The following NELL1 variants were observed in gnomAD, a reference collection of about 807,000 sequenced individuals.
The protein encoded by NELL1 is neural EGFL like 1.
NELL1 carries 76 observed loss-of-function variants against 107.4 expected under a neutral mutation model. The observed-to-expected ratio is 0.71, with a 90% CI of 0.59 to 0.86. NELL1 has a LOEUF of 0.86. Among genes scored for constraint, NELL1 ranks in the 40% least tolerant of loss-of-function variants. The probability of loss-of-function intolerance (pLI) is 0.00; values close to 1 mark genes in which losing one functional copy is unlikely to be tolerated. For missense variants in NELL1, 1,024 were observed against 1,005.5 expected, an observed-to-expected ratio of 1.02 and a Z score of -0.25; for synonymous variants, 353 against 341.2, an observed-to-expected ratio of 1.03 and a Z score of -0.38.
chr11:20,726,585 A>G (rs187924308), intron 2 of NELL1, among the ~76,000 whole-genome samples: 6 of 152,132 alleles, frequency 3.9e-5, no homozygotes, highest in Admixed American at 1.3e-4. Flanking sequence ...TACAATCACC[A>G]ATATTTTTTT....
chr11:20,942,707 T>C (rs1174110847), intron 10 of NELL1, among the ~76,000 whole-genome samples: 1 of 152,206 alleles, frequency 6.6e-6, no homozygotes, highest in Non-Finnish European at 1.5e-5. Flanking sequence ...TTGTTTTACT[T>C]CTAGGAAGGG....
At chr11:21,040,303 C>A (rs1853198644) in intron 12 of NELL1, among the ~76,000 whole-genome samples, 2 of 152,116 alleles carry the variant, frequency 1.3e-5, no homozygotes, top group African/African-American at 4.8e-5. Context: ...TATTCTACTT[C>A]TTTGAACATT....
At chr11:21,185,514 T>G (rs1433952644) in intron 13 of NELL1, among the ~76,000 whole-genome samples, 2 of 151,604 alleles carry the variant, frequency 1.3e-5, no homozygotes, top group Non-Finnish European at 2.9e-5. Flanking sequence ...AGGCTGGTCT[T>G]ACACTTCTGA....
chr11:20,970,336 T>A (rs1040822654), intron 12 of NELL1, among the ~76,000 whole-genome samples: 1 of 152,184 alleles, frequency 6.6e-6, no homozygotes, highest in Non-Finnish European at 1.5e-5. Flanking sequence ...TCTTGTCTCA[T>A]TCTTTAAGTG....
chr11:20,725,511 T>C (rs1278254851), intron 2 of NELL1, among the ~76,000 whole-genome samples: 3 of 152,200 alleles, frequency 2.0e-5, no homozygotes, highest in Non-Finnish European at 2.9e-5. Context: ...TGTAAGCTAA[T>C]GAGAGGGTGC....
rs374368450 is a variant in NELL1 at position 20,682,350 on chromosome 11, C to T, written c.184+4290C>T. On this transcript the variant is annotated intron_variant, in intron 2 of 19. Coordinates refer to ENST00000357134, the MANE Select transcript of NELL1 (RefSeq NM_006157.5). The stretch of plus-strand genomic sequence containing the variant: ...CAACATATAAAAAATATTATTTCAA[C>T]GTATGGTCAACCCAAAAATATATTA... 1.4e-3 allele frequency among the ~76,000 whole-genome samples: 204 copies of T among 149,622 alleles called. 1 individual carries two copies. Among genetic ancestry groups the T allele is most frequent in the Middle Eastern group, 6.8e-3 (2 of 294 alleles).
chr11:21,011,790 C>A (rs978685522), intron 12 of NELL1, among the ~76,000 whole-genome samples: 1 of 152,146 alleles, frequency 6.6e-6, no homozygotes, highest in African/African-American at 2.4e-5. Context: ...TTCCACAGGC[C>A]TGTGAGCTCC....
In NELL1 at chr11:21,113,718, A is replaced by AG; in HGVS notation, c.1426+5dup. The AG allele has an allele frequency of 6.2e-7, 1 of 1,609,300 alleles. No individual in the cohort carries two copies. The highest frequency in any genetic ancestry group is 8.5e-7 in the Non-Finnish European group (1 of 1,177,506). ...GTGGATGACTTCTCTTGTACAGGTG[A>AG]GCTTTAAGAAGCAGTGTTGTTTTTT... On this transcript the variant is annotated splice_donor_region_variant and intron_variant, in intron 13 of 19. Transcript: ENST00000357134.
At chr11:21,474,856 A>G (rs1306107713) in intron 15 of NELL1, among the ~76,000 whole-genome samples, 1 of 152,108 alleles carries the variant, frequency 6.6e-6, no homozygotes, top group African/African-American at 2.4e-5. Flanking sequence ...ACTAACTTTA[A>G]CTGGTATAAA....
chr11:21,038,420 C>T (rs892823122), intron 12 of NELL1, among the ~76,000 whole-genome samples: 1 of 152,064 alleles, frequency 6.6e-6, no homozygotes, highest in Non-Finnish European at 1.5e-5. Context: ...AAATTAGATG[C>T]TAACACAAGA....
At chr11:21,055,885 T>C (rs927396201) in intron 12 of NELL1, among the ~76,000 whole-genome samples, 2 of 152,178 alleles carry the variant, frequency 1.3e-5, no homozygotes, top group South Asian at 2.1e-4. Flanking sequence ...TTTTTACTTC[T>C]GGTAATAATG....
rs542813492 is a variant in NELL1 at position 20,821,140 on chromosome 11, A to G, written c.336-26443A>G. Among the ~76,000 whole-genome samples, 6 of 152,292 alleles carry G rather than the reference A, an allele frequency of 3.9e-5. No homozygotes were observed. The East Asian group carries it at 7.7e-4, about 20-fold the overall frequency. ...TGGCATTTAAACTGGGACTTGAAGC[A>G]TGAGTCAGAGTTTACCAGGTGGAGA... On this transcript the variant is annotated intron_variant, in intron 3 of 19. Transcript: ENST00000357134.
intron 14 of NELL1, among the ~76,000 whole-genome samples, chr11:21,301,410 T>A (rs764547731): frequency 3.1e-4 from 47 of 152,134 alleles, no homozygotes; most frequent in Non-Finnish European, 6.8e-4. Flanking sequence ...GCACCTATTG[T>A]TTCAGGACTT....
intron 2 of NELL1, among the ~76,000 whole-genome samples, chr11:20,716,612 T>C (rs1385389809): frequency 6.6e-6 from 1 of 152,198 alleles, no homozygotes; most frequent in Non-Finnish European, 1.5e-5. Flanking sequence ...TGTGTCCATA[T>C]ACAAGATAGA....
intron 14 of NELL1, among the ~76,000 whole-genome samples, chr11:21,313,829 G>C (rs1269145195): frequency 6.6e-6 from 1 of 152,020 alleles, no homozygotes; most frequent in Non-Finnish European, 1.5e-5. Flanking sequence ...ATCTCATATT[G>C]AATTGTAATC....
intron 15 of NELL1, among the ~76,000 whole-genome samples, chr11:21,424,510 A>G (rs765432434): frequency 3.6e-4 from 54 of 152,098 alleles, no homozygotes; most frequent in Non-Finnish European, 5.6e-4. Context: ...TATCACAGCT[A>G]CTTGGGAGGC....
chr11:20,843,498 A>C (rs1848652795), intron 3 of NELL1, among the ~76,000 whole-genome samples: 1 of 125,790 alleles, frequency 7.9e-6, no homozygotes, highest in African/African-American at 2.6e-5. Context: ...TGTACACAGA[A>C]GCCACCTAAT....
At chr11:21,206,467 G>A (rs1169034046) in intron 13 of NELL1, among the ~76,000 whole-genome samples, 1 of 152,066 alleles carries the variant, frequency 6.6e-6, no homozygotes, top group Admixed American at 6.5e-5. Flanking sequence ...CAAATTTGGG[G>A]GTGGTACTGT....
intron 15 of NELL1, among the ~76,000 whole-genome samples, chr11:21,391,728 G>A (rs544826839): frequency 4.6e-5 from 7 of 151,578 alleles, no homozygotes; most frequent in African/African-American, 7.3e-5. Flanking sequence ...CACTGCAGCC[G>A]GGCTCACGTG....
Sources: allele counts gnomAD v4.1 joint callset (sites outside exome capture counted in the v4.1 genomes callset), GRCh38; gene constraint gnomAD v4.1.1; transcripts MANE v1.5; gene names NCBI Gene and HGNC (gene_info 2026-07-23, HGNC 2026-07-21).